PHACTR3: variants seen among roughly 807,000 people sequenced by gnomAD.
PHACTR3 encodes protein phosphatase 1, regulatory subunit 123.
In PHACTR3, 16 loss-of-function variants were observed where a neutral mutation model predicts 66.8. That is an observed-to-expected ratio of 0.24 (90% CI 0.16 to 0.36). The LOEUF (loss-of-function observed/expected upper bound fraction) is 0.36. Ranked by LOEUF, PHACTR3 falls within the 10% of genes least tolerant of loss-of-function variation. The pLI, the probability that PHACTR3 is intolerant of heterozygous loss-of-function variation, is 1.00. For missense variants in PHACTR3, 647 were observed against 719.9 expected, an observed-to-expected ratio of 0.90 and a Z score of 1.16; for synonymous variants, 323 against 292.1, an observed-to-expected ratio of 1.11 and a Z score of -1.08.
rs1412270755 is a variant in PHACTR3 at position 59,836,506 on chromosome 20, C to T, written c.1330C>T (p.Arg444Trp). ...TGTAATTTTAGTGTTTTTCCGCAGA[C>T]GGCTGAGCCAAAGACCTGCCGTGGA... ...RQQIEMKLSK[R>W]LSQRPAVEEL... The change falls in exon 9 of 13, where the codon CGG becomes TGG. Residue 444 changes from arginine (R) to tryptophan (W), a missense_variant and splice_region_variant. By Grantham distance (101) the Arg-to-Trp change is moderately radical. Transcript: ENST00000371015. The T allele has an allele frequency of 3.7e-6, 6 of 1,607,748 alleles. No individual in the cohort carries two copies. The highest frequency in any genetic ancestry group is 2.3e-5 in the East Asian group (1 of 44,416).
At chr20:59,692,169 C>G (rs2146582819) in intron 1 of PHACTR3, among the ~76,000 whole-genome samples, 1 of 152,270 alleles carries the variant, frequency 6.6e-6, no homozygotes, top group Middle Eastern at 3.4e-3. Context: ...TGGGGAAAAT[C>G]TTACAAGTAC....
At chr20:59,619,403 T>C (rs902831891) in intron 1 of PHACTR3, among the ~76,000 whole-genome samples, 5 of 152,112 alleles carry the variant, frequency 3.3e-5, no homozygotes, top group African/African-American at 1.2e-4. Context: ...GAGTGGCCCC[T>C]GCTGATGGTC....
At chr20:59,750,221 C>T (rs866958047) in intron 3 of PHACTR3, among the ~76,000 whole-genome samples, 1 of 151,708 alleles carries the variant, frequency 6.6e-6, no homozygotes, top group Non-Finnish European at 1.5e-5. Context: ...ACCTGGTTCT[C>T]GGGGGGCCGG....
intron 6 of PHACTR3, 80 bp from the exon 7 acceptor site, chr20:59,774,163 A>G: frequency 6.6e-7 from 1 of 1,506,280 alleles, no homozygotes; most frequent in African/African-American, 1.4e-5. Context: ...TGTGATATTC[A>G]TTATAAGCTC....
chr20:59,776,508 G>A (rs891221852), intron 7 of PHACTR3, among the ~76,000 whole-genome samples: 5 of 84,182 alleles, frequency 5.9e-5, no homozygotes, highest in Non-Finnish European at 1.1e-4. Context: ...CCAGCCACAC[G>A]GGGAGGATAG....
upstream of PHACTR3, chr20:59,604,451 C>G: frequency 3.7e-6 from 1 of 268,416 alleles, no homozygotes. Flanking sequence ...CGCCTTCTCA[C>G]GCCCCTCTCC....
intron 5 of PHACTR3, among the ~76,000 whole-genome samples, chr20:59,771,275 G>T (rs1252695078): frequency 1.3e-5 from 2 of 152,166 alleles, no homozygotes; most frequent in Non-Finnish European, 2.9e-5. Context: ...AGACAGAGGG[G>T]CTGGGGGATG....
At position 59,623,946 on chromosome 20, in the gene PHACTR3, G is replaced by A. The variant is rs563519030; in HGVS notation, c.118+18814G>A. Reference sequence around the variant, plus strand: ...GAAAGGTCACCCCACTTCTGCTTTGGTGCCCATGGGCGTTGTGTAGAGAAG... The same window carrying A: ...GAAAGGTCACCCCACTTCTGCTTTGATGCCCATGGGCGTTGTGTAGAGAAG... On this transcript the variant is annotated intron_variant, in intron 1 of 12. Coordinates refer to ENST00000371015, the MANE Select transcript of PHACTR3 (RefSeq NM_080672.5). Among the ~76,000 whole-genome samples the A allele has an allele frequency of 2.6e-5, 4 of 152,304 alleles. No homozygotes were observed. The East Asian group carries it at 7.7e-4, about 29-fold the overall frequency.
intron 1 of PHACTR3, among the ~76,000 whole-genome samples, chr20:59,666,080 C>T (rs1031839153): frequency 6.6e-6 from 1 of 152,180 alleles, no homozygotes; most frequent in Non-Finnish European, 1.5e-5. Flanking sequence ...CAGCTTCCAT[C>T]TGCCTGTTGT....
intron 7 of PHACTR3, among the ~76,000 whole-genome samples, chr20:59,780,123 G>A (rs2146918771): frequency 6.6e-6 from 1 of 152,296 alleles, no homozygotes; most frequent in South Asian, 2.1e-4. Context: ...TGCAAGGGAA[G>A]AACCTACTGA....
chr20:59,666,190 T>C (rs1451925252), intron 1 of PHACTR3, among the ~76,000 whole-genome samples: 1 of 152,124 alleles, frequency 6.6e-6, no homozygotes, highest in African/African-American at 2.4e-5. Flanking sequence ...AATATGCTGG[T>C]GTGTGAAGGC....
At chr20:59,794,230 A>C (rs955878884) in intron 7 of PHACTR3, among the ~76,000 whole-genome samples, 1 of 151,966 alleles carries the variant, frequency 6.6e-6, no homozygotes, top group African/African-American at 2.4e-5. Flanking sequence ...TGGATTTGTC[A>C]TATATGGCCT....
At chr20:59,834,182 C>G (rs1262560243) in intron 8 of PHACTR3, among the ~76,000 whole-genome samples, 2 of 152,216 alleles carry the variant, frequency 1.3e-5, no homozygotes, top group East Asian at 3.8e-4. Context: ...GGTGCGCTCA[C>G]TCTTGCTGGG....
At chr20:59,642,315 C>CT (rs11364649) in intron 1 of PHACTR3, among the ~76,000 whole-genome samples, 28 of 148,812 alleles carry the variant, frequency 1.9e-4, no homozygotes, top group Admixed American at 3.3e-4. Context: ...TTCTTTTAGA[C>CT]TTTTTTTTTT....
chr20:59,612,089 A>T (rs1015335201), intron 1 of PHACTR3, among the ~76,000 whole-genome samples: 3 of 152,186 alleles, frequency 2.0e-5, no homozygotes, highest in Admixed American at 2.0e-4. Context: ...CCAGGGCAGC[A>T]TATATGGGAG....
At chr20:59,591,319 C>T (rs1414651204) in intron 1 of PHACTR3, among the ~76,000 whole-genome samples, 1 of 152,198 alleles carries the variant, frequency 6.6e-6, no homozygotes, top group East Asian at 1.9e-4. Flanking sequence ...CTTCAGTTCC[C>T]CACTTCCAGT....
intron 1 of PHACTR3, among the ~76,000 whole-genome samples, chr20:59,706,040 C>A (rs1006318478): frequency 2.0e-5 from 3 of 152,198 alleles, no homozygotes; most frequent in Admixed American, 1.3e-4. Context: ...CAGCAGGTGA[C>A]CTTCCAGAAG....
At chr20:59,802,003 G>A (rs2041427871) in intron 7 of PHACTR3, among the ~76,000 whole-genome samples, 3 of 152,312 alleles carry the variant, frequency 2.0e-5, no homozygotes, top group East Asian at 1.9e-4. Flanking sequence ...GCAGAGCCAC[G>A]AATGTCAGGC....
intron 7 of PHACTR3, among the ~76,000 whole-genome samples, chr20:59,799,096 AT>A (rs1049175877): frequency 1.2e-4 from 18 of 149,762 alleles, no homozygotes; most frequent in Middle Eastern, 3.4e-3. Flanking sequence ...TTTTAGAGGT[AT>A]TTTTTTTTGT....
Sources: allele counts gnomAD v4.1 joint callset (sites outside exome capture counted in the v4.1 genomes callset), GRCh38; gene constraint gnomAD v4.1.1; transcripts MANE v1.5; gene names NCBI Gene and HGNC (gene_info 2026-07-23, HGNC 2026-07-21).